The following BCAS4 variants were observed in gnomAD, a reference collection of about 807,000 sequenced individuals.
The protein encoded by BCAS4 is breast carcinoma amplified sequence 4.
In BCAS4, 9 loss-of-function variants were observed where a neutral mutation model predicts 15.7. That is an observed-to-expected ratio of 0.57 (90% confidence interval 0.34 to 1.00). BCAS4 has a LOEUF of 1.00. Among genes scored for constraint, BCAS4 ranks in the 50% least tolerant of loss-of-function variants. BCAS4 has a pLI of 0.02. For missense variants in BCAS4, 225 were observed against 239.1 expected (o/e 0.94, Z 0.39); for synonymous variants, 101 against 99.5 (o/e 1.02, Z -0.09).
chr20:50,866,292 C>T (rs937666114), intron 4 of BCAS4, among the ~76,000 whole-genome samples: 4 of 152,234 alleles, frequency 2.6e-5, no homozygotes, highest in Non-Finnish European at 5.9e-5. Flanking sequence ...GGCCTCTCCA[C>T]TGGCATCCTC....
At chr20:50,799,084 A>G (rs539958971) in intron 1 of BCAS4, among the ~76,000 whole-genome samples, 1 of 152,250 alleles carries the variant, frequency 6.6e-6, no homozygotes, top group Admixed American at 6.5e-5. Flanking sequence ...GTTGTCTGCG[A>G]CTTTTCACTG....
intron 2 of BCAS4, among the ~76,000 whole-genome samples, chr20:50,826,872 G>T: frequency 6.6e-6 from 1 of 152,130 alleles, no homozygotes. Context: ...AGAGGCTGAG[G>T]CTGGAGAATT....
chr20:50,804,068 C>T (rs1398351236), intron 1 of BCAS4, among the ~76,000 whole-genome samples: 3 of 152,132 alleles, frequency 2.0e-5, no homozygotes, highest in Non-Finnish European at 2.9e-5. Context: ...GATGGAGTTT[C>T]GCTCTTGTTG....
intron 1 of BCAS4, among the ~76,000 whole-genome samples, chr20:50,802,589 A>T (rs1200346685): frequency 6.6e-6 from 1 of 152,206 alleles, no homozygotes; most frequent in Non-Finnish European, 1.5e-5. Flanking sequence ...CAAACACGTT[A>T]GGCCAGGCAT....
intron 4 of BCAS4, among the ~76,000 whole-genome samples, chr20:50,852,869 G>T (rs1978515362): frequency 1.3e-5 from 2 of 152,206 alleles, no homozygotes; most frequent in African/African-American, 4.8e-5. Flanking sequence ...ACTCGTGGGT[G>T]GGTACCCACC....
intron 4 of BCAS4, among the ~76,000 whole-genome samples, chr20:50,847,824 C>T (rs1358890745): frequency 2.0e-5 from 3 of 152,166 alleles, no homozygotes; most frequent in Admixed American, 1.3e-4. Context: ...GGGTGGGTCA[C>T]TTGAGCCCAG....
upstream of BCAS4, chr20:50,794,982 G>C: frequency 8.0e-7 from 1 of 1,250,902 alleles, no homozygotes; most frequent in Non-Finnish European, 1.0e-6. Flanking sequence ...TCCGCCAGGC[G>C]GTCCGCGGGG....
Position 50,826,006 on chromosome 20 carries a change from T to C in BCAS4, c.163-4273T>C, listed in dbSNP as rs574674282. ...TGAGTCTCCTTTCTACCACTTTCTC[T>C]GTCTGCTGTAGGTTGCCAATCCCAG... On this transcript the variant is annotated intron_variant, in intron 2 of 4. Transcript: ENST00000371608. 6.6e-5 allele frequency among the ~76,000 whole-genome samples: 10 copies of C among 152,324 alleles called. No individual in the cohort carries two copies. The East Asian group carries it at 1.7e-3, about 26-fold the overall frequency.
chr20:50,803,569 G>A (rs1322090803), intron 1 of BCAS4, among the ~76,000 whole-genome samples: 3 of 152,080 alleles, frequency 2.0e-5, no homozygotes, highest in Admixed American at 2.0e-4. Context: ...GGGGTCAGAT[G>A]CAGTATCTCA....
intron 3 of BCAS4, among the ~76,000 whole-genome samples, chr20:50,834,949 G>A (rs2088388932): frequency 6.6e-6 from 1 of 152,212 alleles, no homozygotes; most frequent in Admixed American, 6.5e-5. Flanking sequence ...ATTTGTCCAT[G>A]CATTAGCTGG....
intron 4 of BCAS4, among the ~76,000 whole-genome samples, chr20:50,850,703 G>A (rs1351288993): frequency 6.6e-6 from 1 of 152,166 alleles, no homozygotes. Flanking sequence ...AGAGGTTTGA[G>A]TGGGCCCCTG....
intron 1 of BCAS4, among the ~76,000 whole-genome samples, chr20:50,817,494 G>T (rs961129295): frequency 6.6e-6 from 1 of 152,022 alleles, no homozygotes; most frequent in Non-Finnish European, 1.5e-5. Context: ...ACGGAGTCTC[G>T]CTCTGTTGCC....
intron 1 of BCAS4, among the ~76,000 whole-genome samples, chr20:50,796,777 A>G (rs1204098733): frequency 2.0e-5 from 3 of 150,520 alleles, no homozygotes; most frequent in Admixed American, 6.6e-5. Flanking sequence ...TACAGGCGTA[A>G]GCCACAGCGC....
chr20:50,844,987 C>T (rs1034522441), intron 4 of BCAS4, among the ~76,000 whole-genome samples: 2 of 152,094 alleles, frequency 1.3e-5, no homozygotes, highest in African/African-American at 4.8e-5. Flanking sequence ...TGTGTGCAGA[C>T]CTGAAGGCTC....
chr20:50,840,837 T>A lies in BCAS4; in HGVS notation c.265-929T>A, dbSNP rs1262484230. ...CCACCACTGAGTTGTCCAATTTTAT[T>A]TATTTTTTTGAGACGGAGTTTCACT... On this transcript the variant is annotated intron_variant, in intron 3 of 4. Coordinates refer to ENST00000371608, the MANE Select transcript of BCAS4 (RefSeq NM_198799.4). 4 of 976,370 alleles carry A rather than the reference T, an allele frequency of 4.1e-6. No individual in the cohort carries two copies. The African/African-American group carries it at 4.9e-5, about 12-fold the overall frequency. The allele number at this position is 976,370 out of a possible 1,614,324, so 60.5% of individuals were successfully genotyped here. A position where few individuals can be genotyped will look rare whatever the true frequency, so the allele number is the denominator to read the frequency against.
Position 50,820,554 on chromosome 20 carries a change from G to A in BCAS4, c.162+2272G>A, listed in dbSNP as rs936558365. 3.3e-5 allele frequency among the ~76,000 whole-genome samples: 5 copies of A among 152,306 alleles called. No individual in the cohort carries two copies. In the East Asian group the frequency reaches 9.7e-4, roughly 29 times the overall value. ...GCAGGGAAGGCAGGTCGGGAGGATG[G>A]TGTGGATGGATGCTCCAGGGACACC... On this transcript the variant is annotated intron_variant, in intron 2 of 4. Coordinates refer to ENST00000371608, the MANE Select transcript of BCAS4 (RefSeq NM_198799.4).
chr20:50,841,774 C>T lies in BCAS4; in HGVS notation c.273C>T (p.Val91=). ...YAKVDRLEAF[V]KMVGHHVAFL... is the part of the protein sequence containing the mutation. ...TTCTCCGTGTCCCTCAGGCCTTCGT[C>T]AAGATGGTTGGACACCACGTCGCCT... is the stretch of plus-strand genomic sequence containing the variant. The change falls in exon 4 of 5, where the codon GTC becomes GTT. Residue 91 remains valine (V), a synonymous_variant. Transcript: ENST00000371608. The T allele has an allele frequency of 6.2e-7, 1 of 1,614,022 alleles. No individual in the cohort carries two copies. Among genetic ancestry groups the T allele is most frequent in the African/African-American group, 1.3e-5 (1 of 75,066 alleles).
intron 4 of BCAS4, among the ~76,000 whole-genome samples, chr20:50,875,519 C>T (rs1432605492): frequency 6.7e-6 from 1 of 149,252 alleles, no homozygotes; most frequent in Non-Finnish European, 1.5e-5. Flanking sequence ...CATCCTAGCA[C>T]TTTGGGAGGC....
intron 3 of BCAS4, chr20:50,832,718 C>A: frequency 6.6e-6 from 1 of 152,488 alleles, no homozygotes; most frequent in Non-Finnish European, 1.5e-5. Flanking sequence ...GATTCTAGCA[C>A]TGCCTGCATT....
Sources: allele counts gnomAD v4.1 joint callset (sites outside exome capture counted in the v4.1 genomes callset), GRCh38; gene constraint gnomAD v4.1.1; transcripts MANE v1.5; gene names NCBI Gene and HGNC (gene_info 2026-07-23, HGNC 2026-07-21).